The following RBFOX1 variants were observed in gnomAD, a reference collection of about 807,000 sequenced individuals.
The protein encoded by RBFOX1 is RNA binding fox-1 homolog 1, also known as RNA binding protein fox-1 homolog 1.
In RBFOX1, 8 loss-of-function variants were observed where a neutral mutation model predicts 57.7. The observed-to-expected ratio is 0.14, with a 90% confidence interval of 0.08 to 0.25. RBFOX1 has a LOEUF of 0.25. Ranked by LOEUF, RBFOX1 falls within the 10% of genes least tolerant of loss-of-function variation. The pLI is 1.00. For synonymous variants in RBFOX1, 326 were observed against 222.4 expected (o/e 1.47, Z -4.15); for missense variants, 611 against 548.5 (o/e 1.11, Z -1.14).
At chr16:6,319,767 G>A (rs75422961) in intron 2 of RBFOX1, among the ~76,000 whole-genome samples, 2,105 of 152,254 alleles carry the variant, frequency 0.014, 43 homozygotes, top group African/African-American at 0.048. Context: ...GCTCACAGTA[G>A]CAGGGTCGGT....
At chr16:5,336,490 C>G (rs2151285975) in intron 1 of RBFOX1, among the ~76,000 whole-genome samples, 1 of 152,314 alleles carries the variant, frequency 6.6e-6, no homozygotes, top group African/African-American at 2.4e-5. Flanking sequence ...TGATCCTTCT[C>G]CAGGCTCAGA....
intron 4 of RBFOX1, among the ~76,000 whole-genome samples, chr16:7,509,594 A>G (rs1374688120): frequency 1.6e-4 from 24 of 152,338 alleles, no homozygotes; most frequent in Admixed American, 1.6e-3. Context: ...AGTCTGCAAA[A>G]GAGCTGGATT....
At chr16:7,512,372 A>G (rs554864013) in intron 4 of RBFOX1, among the ~76,000 whole-genome samples, 2 of 152,356 alleles carry the variant, frequency 1.3e-5, no homozygotes, top group East Asian at 3.9e-4. Flanking sequence ...GGAGGAAACA[A>G]AGACATCTCT....
chr16:6,163,181 A>G (rs1041664626), intron 1 of RBFOX1, among the ~76,000 whole-genome samples: 1 of 152,208 alleles, frequency 6.6e-6, no homozygotes, highest in Non-Finnish European at 1.5e-5. Flanking sequence ...GCCTGAAAAG[A>G]TAATTTCTGG....
intron 2 of RBFOX1, among the ~76,000 whole-genome samples, chr16:6,563,673 A>T (rs2097214923): frequency 6.6e-6 from 1 of 152,082 alleles, no homozygotes; most frequent in Admixed American, 6.6e-5. Flanking sequence ...GCAAAAGCTC[A>T]TCTCTACAAA....
intron 1 of RBFOX1, among the ~76,000 whole-genome samples, chr16:6,201,612 G>A (rs941238089): frequency 6.6e-6 from 1 of 152,072 alleles, no homozygotes; most frequent in Non-Finnish European, 1.5e-5. Flanking sequence ...TGTCATAATA[G>A]GGTGAGTATA....
intron 4 of RBFOX1, among the ~76,000 whole-genome samples, chr16:7,457,959 A>G (rs2058846141): frequency 6.6e-6 from 1 of 152,140 alleles, no homozygotes; most frequent in Non-Finnish European, 1.5e-5. Flanking sequence ...ACATTTGCAC[A>G]TGCTGTTTCC....
intron 4 of RBFOX1, among the ~76,000 whole-genome samples, chr16:7,142,178 C>T (rs557074180): frequency 6.6e-6 from 1 of 152,062 alleles, no homozygotes; most frequent in East Asian, 1.9e-4. Flanking sequence ...CACACACCAC[C>T]ACACCTGACC....
intron 1 of RBFOX1, among the ~76,000 whole-genome samples, chr16:5,252,485 C>T (rs564912695): frequency 1.3e-5 from 2 of 152,292 alleles, no homozygotes; most frequent in South Asian, 4.1e-4. Flanking sequence ...TTTGTGAGTT[C>T]CCATGTGAAG....
intron 3 of RBFOX1, among the ~76,000 whole-genome samples, chr16:5,843,372 T>A (rs575112137): frequency 6.6e-6 from 1 of 152,208 alleles, no homozygotes; most frequent in African/African-American, 2.4e-5. Context: ...CTCCTACTTA[T>A]GAGGATATGA....
chr16:7,330,807 A>G (rs1396598647), intron 4 of RBFOX1, among the ~76,000 whole-genome samples: 1 of 152,102 alleles, frequency 6.6e-6, no homozygotes, highest in African/African-American at 2.4e-5. Flanking sequence ...TTACCTAAGT[A>G]AGTAAGAGCT....
In RBFOX1 at chr16:7,712,087, T is replaced by C. The variant is rs2148646988; in HGVS notation, c.*1342T>C. ...CAAAAGAACAAAGTCTCCCCACCTT[T>C]CTCGGATGCAGGGCCAGAGTGACAC... On this transcript the variant is annotated 3_prime_UTR_variant, in exon 16 of 16. Transcript: ENST00000550418. 1 of 152,716 alleles carries C rather than the reference T, an allele frequency of 6.5e-6. No homozygotes were observed. The highest frequency in any genetic ancestry group is 2.4e-5 in the African/African-American group (1 of 41,578). The allele number at this position is 152,716 out of a possible 1,614,324, so 9.5% of individuals were successfully genotyped here.
chr16:6,900,348 C>T (rs913185782), intron 3 of RBFOX1, among the ~76,000 whole-genome samples: 49 of 152,328 alleles, frequency 3.2e-4, no homozygotes, highest in African/African-American at 1.1e-3. Flanking sequence ...ACCACAAAAT[C>T]CTTTAGGGAT....
At chr16:7,637,281 AAAAG>A (rs879778081) in intron 11 of RBFOX1, among the ~76,000 whole-genome samples, 6 of 150,568 alleles carry the variant, frequency 4.0e-5, no homozygotes, top group Non-Finnish European at 7.4e-5. Flanking sequence ...CAAAAAAAAA[AAAAG>A]AAGGAAAAAA....
intron 1 of RBFOX1, among the ~76,000 whole-genome samples, chr16:5,405,175 G>A (rs1288905387): frequency 6.6e-6 from 1 of 152,160 alleles, no homozygotes. Flanking sequence ...GTGTGCCCAG[G>A]GTGGGCCAGG....
intron 4 of RBFOX1, among the ~76,000 whole-genome samples, chr16:7,282,932 G>A (rs957646018): frequency 2.0e-5 from 3 of 152,172 alleles, no homozygotes; most frequent in Non-Finnish European, 2.9e-5. Context: ...TTATGGTTGA[G>A]TAGTCCATCA....
chr16:6,527,148 C>G (rs1158784119), intron 2 of RBFOX1, among the ~76,000 whole-genome samples: 1 of 152,080 alleles, frequency 6.6e-6, no homozygotes, highest in Non-Finnish European at 1.5e-5. Context: ...CCTTTTAAAA[C>G]ATTCAAAAAT....
At chr16:6,897,448 C>G (rs965816966) in intron 3 of RBFOX1, among the ~76,000 whole-genome samples, 1 of 152,062 alleles carries the variant, frequency 6.6e-6, no homozygotes, top group Non-Finnish European at 1.5e-5. Flanking sequence ...CATGTCCTGA[C>G]ACAGATTAAA....
intron 2 of RBFOX1, among the ~76,000 whole-genome samples, chr16:6,470,228 A>G (rs1443877173): frequency 6.6e-6 from 1 of 152,082 alleles, no homozygotes; most frequent in East Asian, 1.9e-4. Flanking sequence ...TCCTGTCTGG[A>G]TAGGTGGAAG....
Sources: gnomAD v4.1 joint callset for allele counts (sites outside exome capture counted in the v4.1 genomes callset) on GRCh38, gnomAD v4.1.1 for gene constraint, MANE v1.5 for transcripts, NCBI Gene and HGNC (gene_info 2026-07-23, HGNC 2026-07-21) for gene names.